STPG2: variants seen among roughly 807,000 people sequenced by gnomAD.
STPG2 encodes sperm-tail PG-rich repeat-containing protein 2.
STPG2 carries 56 observed loss-of-function variants against 54.2 expected under a neutral mutation model. The ratio of observed to expected loss-of-function variants is 1.03; its 90% CI spans 0.83 to 1.29. The LOEUF (loss-of-function observed/expected upper bound fraction) is 1.29, where lower values mean the gene tolerates loss of function less well. Ranked by LOEUF, STPG2 falls within the 50% of genes most tolerant of loss-of-function variation. The pLI, the probability that STPG2 is intolerant of heterozygous loss-of-function variation, is 0.00. For missense variants in STPG2, 596 were observed against 544.9 expected (o/e 1.09, Z -0.93); for synonymous variants, 200 against 181.8 (o/e 1.10, Z -0.81).
intron 8 of STPG2, among the ~76,000 whole-genome samples, chr4:97,913,546 T>C (rs2149202121): frequency 6.6e-6 from 1 of 152,266 alleles, no homozygotes; most frequent in Non-Finnish European, 1.5e-5. Flanking sequence ...GCGCATATAA[T>C]AATGATAGTA....
chr4:97,556,356 C>T (rs185628261), downstream of STPG2, among the ~76,000 whole-genome samples: 1,321 of 152,204 alleles, frequency 8.7e-3, 9 homozygotes, highest in South Asian at 0.029. Context: ...TCATCTTGAT[C>T]CAATTCCATC....
intron 5 of STPG2, among the ~76,000 whole-genome samples, chr4:98,010,927 C>A (rs1735724923): frequency 1.3e-5 from 2 of 152,108 alleles, no homozygotes; most frequent in Admixed American, 6.6e-5. Context: ...CCTACCCCCA[C>A]ATTTTATATT....
At chr4:97,859,574 C>T (rs1031841359) in intron 8 of STPG2, among the ~76,000 whole-genome samples, 3 of 151,676 alleles carry the variant, frequency 2.0e-5, no homozygotes, top group Admixed American at 6.6e-5. Flanking sequence ...AAGTGATTCT[C>T]CTGCCTCAGG....
chr4:98,108,676 G>A (rs6851549), intron 4 of STPG2, among the ~76,000 whole-genome samples: 60,190 of 151,740 alleles, frequency 0.4, 12,177 homozygotes, highest in Middle Eastern at 0.46. Context: ...ATAATCAAAC[G>A]GGCTTCAATT....
intron 9 of STPG2, among the ~76,000 whole-genome samples, chr4:97,774,020 TG>T (rs1203742801): frequency 1.3e-5 from 2 of 151,798 alleles, no homozygotes; most frequent in Non-Finnish European, 2.9e-5. Flanking sequence ...TGTGTGTGTG[TG>T]TGTGTCAGAA....
intron 5 of STPG2, among the ~76,000 whole-genome samples, chr4:98,020,142 T>C (rs1642401084): frequency 7.6e-6 from 1 of 131,154 alleles, no homozygotes; most frequent in Middle Eastern, 3.8e-3. Context: ...CAGTATGAGA[T>C]TGGCTGTGGG....
intron 5 of STPG2, among the ~76,000 whole-genome samples, chr4:98,042,401 A>G (rs1275940191): frequency 6.6e-6 from 1 of 151,418 alleles, no homozygotes; most frequent in African/African-American, 2.4e-5. Flanking sequence ...CTCTAGACTC[A>G]TAAGGTGTAA....
intron 7 of STPG2, among the ~76,000 whole-genome samples, chr4:97,962,127 T>C (rs1330116886): frequency 1.3e-5 from 2 of 152,174 alleles, no homozygotes; most frequent in African/African-American, 4.8e-5. Flanking sequence ...AAACATCTTA[T>C]GTTCTCATTC....
At chr4:97,787,988 A>C (rs1463786859) in intron 9 of STPG2, among the ~76,000 whole-genome samples, 1 of 152,060 alleles carries the variant, frequency 6.6e-6, no homozygotes, top group Non-Finnish European at 1.5e-5. Context: ...TACATAACAC[A>C]GTTTGATGCA....
chr4:97,524,320 T>C (rs897633331), intron 4 of STPG2, among the ~76,000 whole-genome samples: 1 of 152,016 alleles, frequency 6.6e-6, no homozygotes, highest in Non-Finnish European at 1.5e-5. Flanking sequence ...CCAGACTTGT[T>C]TCTTTTTAGT....
Position 97,880,889 on chromosome 4 carries a change from A to G in STPG2, c.1045-39957T>C, listed in dbSNP as rs187614292. The stretch of plus-strand genomic sequence containing the variant: ...GAAGGATGCTGGCATTTTTGTTAAC[A>G]TAATTTTAATATTTGAGAGCTTCAA... On this transcript the variant is annotated intron_variant, in intron 8 of 10. Transcript: ENST00000295268. 2.6e-3 allele frequency among the ~76,000 whole-genome samples: 396 copies of G among 152,226 alleles called. 3 individuals are homozygous for G. The highest frequency in any genetic ancestry group is 8.9e-3 in the African/African-American group (370 of 41,554).
At position 97,943,887 on chromosome 4, in the gene STPG2, G is replaced by A; in HGVS notation, c.1044+10C>T. 2.6e-6 allele frequency: 4 copies of A among 1,510,982 alleles called. No individual in the cohort carries two copies. Among genetic ancestry groups the A allele is most frequent in the Non-Finnish European group, 3.6e-6 (4 of 1,125,136 alleles). 93.6% of individuals were successfully genotyped at this position (1,510,982 alleles called of 1,614,324 possible). A position where few individuals can be genotyped will look rare whatever the true frequency, so the allele number is the denominator to read the frequency against. Reference sequence around the variant, plus strand: ...ATAATGAAAATATTTGATTGTAGGAGTATTCTTACCATATCTGGTACTTTC... The same window carrying A: ...ATAATGAAAATATTTGATTGTAGGAATATTCTTACCATATCTGGTACTTTC... On this transcript the variant is annotated intron_variant, in intron 8 of 10. Coordinates refer to ENST00000295268, the MANE Select transcript of STPG2 (RefSeq NM_174952.3).
chr4:97,511,948 A>G (rs954441809), intron 4 of STPG2, among the ~76,000 whole-genome samples: 25 of 152,114 alleles, frequency 1.6e-4, no homozygotes, highest in African/African-American at 6.0e-4. Flanking sequence ...TACATGTGGA[A>G]GGTGGTGAGA....
chr4:97,801,119 C>T (rs563581349), intron 9 of STPG2, among the ~76,000 whole-genome samples: 1 of 152,326 alleles, frequency 6.6e-6, no homozygotes, highest in South Asian at 2.1e-4. Context: ...TCTCTGACCC[C>T]TTGTGCTTCC....
At chr4:98,002,779 A>C (rs1735451329) in intron 5 of STPG2, among the ~76,000 whole-genome samples, 1 of 152,116 alleles carries the variant, frequency 6.6e-6, no homozygotes, top group Non-Finnish European at 1.5e-5. Context: ...TATGTCTTTA[A>C]TAACAGCGTT....
intron 5 of STPG2, among the ~76,000 whole-genome samples, chr4:98,101,865 T>TCC (rs34686297): frequency 4.6e-4 from 67 of 145,802 alleles, no homozygotes; most frequent in South Asian, 6.7e-4. Context: ...TTCATTATCT[T>TCC]CCCCCTCCCC....
intron 7 of STPG2, among the ~76,000 whole-genome samples, chr4:97,953,812 G>T (rs1733562910): frequency 6.6e-6 from 1 of 152,170 alleles, no homozygotes; most frequent in African/African-American, 2.4e-5. Flanking sequence ...CTGCCAGCCT[G>T]CCACTTCTTT....
At chr4:97,465,277 T>A (rs1729761596) in intron 4 of STPG2, among the ~76,000 whole-genome samples, 1 of 152,176 alleles carries the variant, frequency 6.6e-6, no homozygotes, top group Non-Finnish European at 1.5e-5. Flanking sequence ...TATCCAGATT[T>A]CAAAGTCGTG....
intron 10 of STPG2, among the ~76,000 whole-genome samples, chr4:97,596,908 A>C (rs780240392): frequency 6.6e-6 from 1 of 152,060 alleles, no homozygotes; most frequent in South Asian, 2.1e-4. Context: ...ACAAGAAATA[A>C]CCAAAATCAG....
Sources: gnomAD v4.1 joint callset for allele counts (sites outside exome capture counted in the v4.1 genomes callset) on GRCh38, gnomAD v4.1.1 for gene constraint, MANE v1.5 for transcripts, NCBI Gene and HGNC (gene_info 2026-07-23, HGNC 2026-07-21) for gene names.